Variants in CLIP1 observed in about 807,000 individuals in gnomAD.
CLIP1 encodes the protein CAP-Gly domain containing linker protein 1.
Under a neutral mutation model 161.6 loss-of-function variants are expected in CLIP1, and 66 were observed. The observed-to-expected ratio is 0.41, with a 90% CI of 0.33 to 0.50. CLIP1 has a LOEUF of 0.50. Ranked by LOEUF, CLIP1 falls within the 20% of genes least tolerant of loss-of-function variation. CLIP1 has a pLI of 0.27. For missense variants in CLIP1, 1,376 were observed against 1,702.0 expected, an observed-to-expected ratio of 0.81 and a Z score of 3.37; for synonymous variants, 598 against 626.2, an observed-to-expected ratio of 0.96 and a Z score of 0.67.
intron 8 of CLIP1, among the ~76,000 whole-genome samples, chr12:122,351,788 A>G (rs975360408): frequency 1.1e-4 from 16 of 150,478 alleles, no homozygotes; most frequent in Non-Finnish European, 1.5e-5. Context: ...CATCAAAACC[A>G]TTTAATTCTG....
At chr12:122,317,768 C>G (rs1288874500) in intron 18 of CLIP1, among the ~76,000 whole-genome samples, 1 of 152,230 alleles carries the variant, frequency 6.6e-6, no homozygotes, top group Non-Finnish European at 1.5e-5. Context: ...CAACTACCAT[C>G]TTCCTTTTAA....
intron 21 of CLIP1, among the ~76,000 whole-genome samples, chr12:122,282,355 T>C (rs1471078145): frequency 6.6e-6 from 1 of 152,030 alleles, no homozygotes; most frequent in African/African-American, 2.4e-5. Flanking sequence ...GACTTGGTAT[T>C]ACCAAAAAAA....
In CLIP1 at chr12:122,316,848, G is replaced by T; in HGVS notation, c.3374C>A (p.Thr1125Lys). ...TNAKLQNELD[T>K]LKENNLKNVE... is the part of the protein sequence containing the mutation. ...ATTTTTCAAGTTGTTTTCTTTAAGT[G>T]TGTCCAACTTAAAGACCAAGAGAAA... Residue 1125 changes from threonine to lysine, a missense_variant, in exon 19 of 26, where the codon ACA becomes AAA. This residue lies in a region of CLIP1 where 948 missense variants were observed against 1,134.8 expected (regional missense o/e 0.84). Transcript: ENST00000620786. 6.4e-7 allele frequency: 1 copy of T among 1,554,304 alleles called. No individual in the cohort carries two copies. Among genetic ancestry groups the T allele is most frequent in the Non-Finnish European group, 8.7e-7 (1 of 1,149,630 alleles).
At chr12:122,288,411 T>C in intron 21 of CLIP1, 78 bp downstream of exon 21, 1 of 1,257,736 alleles carries the variant, frequency 8.0e-7, no homozygotes, top group South Asian at 1.3e-5. Flanking sequence ...ACTTGTTTTC[T>C]ACTATAAGTT....
At chr12:122,328,836 C>T (rs533464459) in intron 15 of CLIP1, among the ~76,000 whole-genome samples, 1 of 152,310 alleles carries the variant, frequency 6.6e-6, no homozygotes, top group Admixed American at 6.5e-5. Context: ...CTGCCTCGGC[C>T]TCCCAAAGTG....
intron 24 of CLIP1, chr12:122,277,843 A>G (rs990556309): frequency 3.8e-6 from 1 of 264,774 alleles, no homozygotes; most frequent in Non-Finnish European, 7.1e-6. Flanking sequence ...TTAAAAAAAA[A>G]AAAGGGAGGG....
At position 122,302,605 on chromosome 12, in the gene CLIP1, C is replaced by T. The variant is rs562870862; in HGVS notation, c.3594+7157G>A. On this transcript the variant is annotated intron_variant, in intron 20 of 25. Transcript: ENST00000620786. The stretch of plus-strand genomic sequence containing the variant: ...CCTAATACTTACACACACGCACACA[C>T]ACATATATTTGAGACAGAATCTTGC... 3.9e-5 allele frequency among the ~76,000 whole-genome samples: 6 copies of T among 152,092 alleles called. No individual in the cohort carries two copies. In the East Asian group the frequency reaches 1.2e-3, roughly 29 times the overall value.
At chr12:122,320,260 C>T (rs150024216) in intron 17 of CLIP1, among the ~76,000 whole-genome samples, 3,137 of 134,756 alleles carry the variant, frequency 0.023, 54 homozygotes, top group Non-Finnish European at 0.036. Context: ...AGCGAGACTC[C>T]GTCTCAAAAA....
At chr12:122,414,684 T>C (rs1051325504) in intron 1 of CLIP1, among the ~76,000 whole-genome samples, 2 of 151,826 alleles carry the variant, frequency 1.3e-5, no homozygotes, top group African/African-American at 4.8e-5. Context: ...CAGGATGGTC[T>C]TGATCTCTTG....
chr12:122,346,824 C>T (rs1224739684), intron 10 of CLIP1, among the ~76,000 whole-genome samples: 3 of 152,080 alleles, frequency 2.0e-5, no homozygotes, highest in Non-Finnish European at 4.4e-5. Context: ...TTCAATCCCC[C>T]GAGCGACAGG....
At chr12:122,411,193 A>G (rs1956518674) in intron 1 of CLIP1, among the ~76,000 whole-genome samples, 1 of 152,196 alleles carries the variant, frequency 6.6e-6, no homozygotes. Flanking sequence ...AGGTGGGCGG[A>G]TCACCTGAGG....
intron 5 of CLIP1, among the ~76,000 whole-genome samples, chr12:122,356,615 T>C (rs1309337969): frequency 6.6e-6 from 1 of 151,734 alleles, no homozygotes; most frequent in Non-Finnish European, 1.5e-5. Context: ...CCTCTCTCCC[T>C]CTCCCTCTCT....
chr12:122,364,143 A>C, intron 3 of CLIP1, 36 bp from the exon 4 acceptor site: 2 of 1,613,198 alleles, frequency 1.2e-6, no homozygotes, highest in Non-Finnish European at 1.7e-6. Flanking sequence ...AGAGATGAAC[A>C]TCACTCTATA....
chr12:122,321,018 T>TTAAATAAATAAATAAATAAA (rs56780235), intron 17 of CLIP1, among the ~76,000 whole-genome samples: 4 of 144,982 alleles, frequency 2.8e-5, no homozygotes, highest in African/African-American at 1.0e-4. Context: ...AGACTCTGTC[T>TTAAATAAATAAATAAATAAA]TAAATAAATA....
intron 3 of CLIP1, among the ~76,000 whole-genome samples, chr12:122,369,960 C>T (rs1451079805): frequency 2.0e-5 from 3 of 151,558 alleles, no homozygotes; most frequent in African/African-American, 4.9e-5. Flanking sequence ...GACAGGAATT[C>T]GAGACCAGCC....
chr12:122,280,597 A>G (rs1955609548), intron 21 of CLIP1: 1 of 152,160 alleles, frequency 6.6e-6, no homozygotes. Flanking sequence ...TGCTCATGGG[A>G]GTTTCTCAGT....
intron 1 of CLIP1, among the ~76,000 whole-genome samples, chr12:122,417,950 T>G (rs148658452): frequency 5.2e-4 from 79 of 152,250 alleles, no homozygotes; most frequent in Non-Finnish European, 8.8e-4. Flanking sequence ...TTCACTTCCT[T>G]TCTGTCTCTA....
chr12:122,289,258 C>A (rs1292923177), intron 20 of CLIP1, among the ~76,000 whole-genome samples: 1 of 151,986 alleles, frequency 6.6e-6, no homozygotes. Context: ...CCCATCTCTA[C>A]TAAAAATGTA....
Position 122,330,847 on chromosome 12 carries a change from T to C in CLIP1, c.2867+2140A>G, listed in dbSNP as rs969014988. Among the ~76,000 whole-genome samples the C allele has an allele frequency of 5.7e-4, 86 of 151,754 alleles. 1 individual carries two copies. The highest frequency in any genetic ancestry group is 2.1e-3 in the African/African-American group (85 of 41,270). On this transcript the variant is annotated intron_variant, in intron 15 of 25. Transcript: ENST00000620786. ...TGAACTCCTGACCTCGTGATCCGCC[T>C]GCCTCAGCCTCCCAAAGTGCTGGCA... is the stretch of plus-strand genomic sequence containing the variant.
Sources: gnomAD v4.1 joint callset for allele counts (sites outside exome capture counted in the v4.1 genomes callset) on GRCh38, gnomAD v4.1.1 for gene constraint, gnomAD v4.1.1 regional missense constraint, MANE v1.5 for transcripts, NCBI Gene and HGNC (gene_info 2026-07-23, HGNC 2026-07-21) for gene names.